Variants in ARHGAP32 observed in about 807,000 individuals in gnomAD.
The protein encoded by ARHGAP32 is Rho GTPase activating protein 32, also known as rho GTPase-activating protein 32.
A neutral mutation model predicts 186.5 loss-of-function variants in ARHGAP32; 51 were observed. The observed-to-expected ratio is 0.27, with a 90% CI of 0.22 to 0.35. The LOEUF (loss-of-function observed/expected upper bound fraction) is 0.35. Among genes scored for constraint, ARHGAP32 ranks in the 10% least tolerant of loss-of-function variants. The probability of loss-of-function intolerance (pLI) is 1.00; values close to 1 mark genes in which losing one functional copy is unlikely to be tolerated. For missense variants in ARHGAP32, 2,186 were observed against 2,623.5 expected, an observed-to-expected ratio of 0.83 and a Z score of 3.64; for synonymous variants, 950 against 964.3, an observed-to-expected ratio of 0.99 and a Z score of 0.27.
chr11:129,030,903 G>A (rs1166725704), intron 11 of ARHGAP32, among the ~76,000 whole-genome samples: 1 of 152,194 alleles, frequency 6.6e-6, no homozygotes, highest in African/African-American at 2.4e-5. Flanking sequence ...GGTTGTATAA[G>A]TATGTGGTAC....
chr11:129,022,051 T>C (rs1938618141), intron 11 of ARHGAP32, among the ~76,000 whole-genome samples: 1 of 152,090 alleles, frequency 6.6e-6, no homozygotes, highest in Admixed American at 6.5e-5. Flanking sequence ...CTAGTACTAC[T>C]TGATAAGAAG....
At chr11:129,268,485 T>C (rs962401930) in intron 1 of ARHGAP32, among the ~76,000 whole-genome samples, 1 of 151,930 alleles carries the variant, frequency 6.6e-6, no homozygotes, top group Non-Finnish European at 1.5e-5. Flanking sequence ...AATTCTGATA[T>C]TAGAGAAAGG....
intron 1 of ARHGAP32, among the ~76,000 whole-genome samples, chr11:129,262,404 G>A (rs1257005615): frequency 6.8e-6 from 1 of 147,580 alleles, no homozygotes; most frequent in African/African-American, 2.5e-5. Flanking sequence ...TTTTTTTTGA[G>A]ATGGAGCCCT....
At chr11:128,980,829 TCTAC>T (rs1945688178) in intron 17 of ARHGAP32, 81 bp from the exon 18 acceptor site, 6 of 1,062,264 alleles carry the variant, frequency 5.6e-6, no homozygotes, top group South Asian at 3.4e-5. Context: ...TCTCCATCTA[TCTAC>T]CTATCTGTTG....
intron 5 of ARHGAP32, among the ~76,000 whole-genome samples, chr11:129,103,460 G>A (rs1487902066): frequency 6.6e-6 from 1 of 152,022 alleles, no homozygotes; most frequent in African/African-American, 2.4e-5. Context: ...ACCAGAAGGA[G>A]ATAAGAGAGA....
chr11:129,170,378 T>C (rs191038871), intron 1 of ARHGAP32, among the ~76,000 whole-genome samples: 1 of 152,240 alleles, frequency 6.6e-6, no homozygotes, highest in Non-Finnish European at 1.5e-5. Flanking sequence ...CCCCTCTCTG[T>C]GTCCACCTGT....
chr11:129,137,234 A>C (rs1005284302), intron 2 of ARHGAP32, among the ~76,000 whole-genome samples: 5 of 152,076 alleles, frequency 3.3e-5, no homozygotes, highest in Non-Finnish European at 7.4e-5. Flanking sequence ...ACACTTAAAA[A>C]AAATGGGAAG....
intron 2 of ARHGAP32, among the ~76,000 whole-genome samples, chr11:129,130,597 AAT>A (rs1298116307): frequency 6.6e-6 from 1 of 152,114 alleles, no homozygotes; most frequent in Non-Finnish European, 1.5e-5. Flanking sequence ...ACTAATAGCC[AAT>A]AATCAAGCTA....
chr11:129,194,535 G>C (rs1944364787), upstream of ARHGAP32, among the ~76,000 whole-genome samples: 2 of 152,170 alleles, frequency 1.3e-5, no homozygotes, highest in South Asian at 4.1e-4. Flanking sequence ...GCTGCCATCT[G>C]TGTTTTCAAT....
intron 11 of ARHGAP32, among the ~76,000 whole-genome samples, chr11:129,021,844 T>C (rs547606681): frequency 5.7e-4 from 86 of 152,176 alleles, no homozygotes; most frequent in Non-Finnish European, 7.2e-4. Context: ...TAAGAGACTA[T>C]GACTAATTTC....
chr11:129,058,031 T>G lies in ARHGAP32; in HGVS notation c.963+4249A>C, dbSNP rs1219571712. 5.3e-5 allele frequency among the ~76,000 whole-genome samples: 8 copies of G among 152,250 alleles called. No individual in the cohort carries two copies. In the East Asian group the frequency reaches 1.5e-3, roughly 29 times the overall value. On this transcript the variant is annotated intron_variant, in intron 10 of 22. Coordinates refer to ENST00000682385, the MANE Select transcript of ARHGAP32 (RefSeq NM_001378024.1). ...GGAAAATATATTTGCTATTAATTTT[T>G]AAGCCACCCAGTTTGTGGTATTTTA...
At chr11:129,064,998 G>C in intron 7 of ARHGAP32, 65 bp from the exon 8 acceptor site, 3 of 1,336,026 alleles carry the variant, frequency 2.2e-6, no homozygotes, top group Non-Finnish European at 3.1e-6. Flanking sequence ...GGGAAAACTG[G>C]ATGGTTTCTG....
chr11:129,022,666 T>C (rs1451086115), intron 11 of ARHGAP32, among the ~76,000 whole-genome samples: 4 of 152,142 alleles, frequency 2.6e-5, no homozygotes, highest in Non-Finnish European at 5.9e-5. Context: ...GGAGCTATTA[T>C]TACTACTACA....
chr11:129,273,324 A>G (rs1019244109), intron 1 of ARHGAP32, among the ~76,000 whole-genome samples: 1 of 151,942 alleles, frequency 6.6e-6, no homozygotes, highest in African/African-American at 2.4e-5. Flanking sequence ...CACAGATACA[A>G]AGAGATGTGG....
chr11:129,217,209 T>C (rs1383419563), intron 1 of ARHGAP32, among the ~76,000 whole-genome samples: 1 of 152,318 alleles, frequency 6.6e-6, no homozygotes, highest in East Asian at 1.9e-4. Flanking sequence ...CTTTAAATCT[T>C]TTCTGCTCTA....
intron 1 of ARHGAP32, among the ~76,000 whole-genome samples, chr11:129,172,000 G>A (rs1373849177): frequency 6.6e-6 from 1 of 152,010 alleles, no homozygotes; most frequent in Admixed American, 6.6e-5. Context: ...GGAATGCTTG[G>A]GATTTTTACA....
chr11:129,104,020 A>G (rs974533091), intron 5 of ARHGAP32, among the ~76,000 whole-genome samples: 1 of 152,134 alleles, frequency 6.6e-6, no homozygotes, highest in African/African-American at 2.4e-5. Context: ...AACAGATGGA[A>G]CGGTTTAAGA....
rs1227245775 is a variant in ARHGAP32 at position 129,123,440 on chromosome 11, G to A, written c.444+6C>T. The A allele has an allele frequency of 3.1e-6, 5 of 1,608,642 alleles. No homozygotes were observed. The African/African-American group carries it at 5.4e-5, about 17-fold the overall frequency. The stretch of plus-strand genomic sequence containing the variant: ...AATTCAAGATGTAAGAAATATTTCA[G>A]TATACCTGTATGCTGCCGAACTCAA... On this transcript the variant is annotated splice_donor_region_variant and intron_variant, in intron 5 of 22. Coordinates refer to ENST00000682385, the MANE Select transcript of ARHGAP32 (RefSeq NM_001378024.1). This position sits in a 1 kb window ranked among gnomAD's most constrained non-coding sequence, Gnocchi z 4.6.
Position 129,199,412 on chromosome 11 carries a change from GC to G in ARHGAP32, c.-4-34986del, listed in dbSNP as rs577080405. ...AATGGTTTCATGGGCCAGGCCCAGG[GC>G]CCCCTGCTGTGTGCAGCCTAGGGAC... On this transcript the variant is annotated intron_variant, in intron 1 of 6. Transcript: ENST00000525234. Among the ~76,000 whole-genome samples, 286 of 152,316 alleles carry G rather than the reference GC, an allele frequency of 1.9e-3. 4 individuals are homozygous for G. The highest frequency in any genetic ancestry group is 6.8e-3 in the African/African-American group (281 of 41,564).
Sources: allele counts gnomAD v4.1 joint callset (sites outside exome capture counted in the v4.1 genomes callset), GRCh38; gene constraint gnomAD v4.1.1; non-coding constraint Gnocchi (gnomAD v3.1); transcripts MANE v1.5; gene names NCBI Gene and HGNC (gene_info 2026-07-23, HGNC 2026-07-21).